The following STX17 variants were observed in gnomAD, a reference collection of about 807,000 sequenced individuals.
STX17 encodes syntaxin-17.
Under a neutral mutation model 35.9 loss-of-function variants are expected in STX17, and 29 were observed. The ratio of observed to expected loss-of-function variants is 0.81; its 90% CI spans 0.60 to 1.10. The LOEUF (loss-of-function observed/expected upper bound fraction) is 1.10. STX17 is among the 50% of genes least tolerant of loss of function. The probability of loss-of-function intolerance (pLI) is 0.00; values close to 1 mark genes in which losing one functional copy is unlikely to be tolerated. For missense variants in STX17, 312 were observed against 352.3 expected, an observed-to-expected ratio of 0.89 and a Z score of 0.92; for synonymous variants, 92 against 118.3, an observed-to-expected ratio of 0.78 and a Z score of 1.44.
Position 99,928,774 on chromosome 9 carries a change from A to G in STX17, c.124-4A>G, listed in dbSNP as rs911204451. On this transcript the variant is annotated splice_polypyrimidine_tract_variant and splice_region_variant and intron_variant, in intron 2 of 7. Coordinates refer to ENST00000259400, the MANE Select transcript of STX17 (RefSeq NM_017919.3). Reference sequence around the variant, plus strand: ...TTAATACCTCCCTTCTTTCTTTTATATAGTATCAAAGGTGCAGAATCTGGG... The same window carrying G: ...TTAATACCTCCCTTCTTTCTTTTATGTAGTATCAAAGGTGCAGAATCTGGG... 2 of 1,612,288 alleles carry G rather than the reference A, an allele frequency of 1.2e-6. No individual in the cohort carries two copies. Among genetic ancestry groups the G allele is most frequent in the Admixed American group, 1.7e-5 (1 of 59,942 alleles).
chr9:99,939,304 T>G lies in STX17; in HGVS notation c.189+10461T>G, dbSNP rs1378478769. Among the ~76,000 whole-genome samples the G allele has an allele frequency of 2.0e-5, 3 of 152,184 alleles. No individual in the cohort carries two copies. The East Asian group carries it at 5.8e-4, about 29-fold the overall frequency. ...TTCCAAAATGAATGCTATTAGGATA[T>G]AACTTGTTTTAGTTTATTGTGAGTT... On this transcript the variant is annotated intron_variant, in intron 3 of 7. Coordinates refer to ENST00000259400, the MANE Select transcript of STX17 (RefSeq NM_017919.3).
chr9:99,920,831 A>G (rs1161621371), intron 2 of STX17, among the ~76,000 whole-genome samples: 3 of 152,170 alleles, frequency 2.0e-5, no homozygotes, highest in Non-Finnish European at 4.4e-5. Flanking sequence ...GTGTATCCTA[A>G]TTTAGTTATA....
intron 4 of STX17, among the ~76,000 whole-genome samples, chr9:99,955,452 G>A (rs555292792): frequency 6.6e-6 from 1 of 152,146 alleles, no homozygotes; most frequent in South Asian, 2.1e-4. Flanking sequence ...ATAGGCTTAT[G>A]TAGATGATCA....
chr9:99,916,067 A>G (rs1388603066), intron 2 of STX17: 2 of 455,934 alleles, frequency 4.4e-6, no homozygotes, highest in Non-Finnish European at 8.8e-6. Flanking sequence ...ACATTAAAGA[A>G]GTAAATCATT....
At position 99,915,307 on chromosome 9, in the gene STX17, T is replaced by C. The variant is rs41305451; in HGVS notation, c.68T>C (p.Ile23Thr). The stretch of plus-strand genomic sequence containing the variant: ...CCAGCTATCCAGAAATTCATTAAGA[T>C]AGTAATCCCAACAGACCTGGAAAGG... Reference protein sequence around the residue: ...LEPAIQKFIKIVIPTDLERLR... With the variant: ...LEPAIQKFIKTVIPTDLERLR... The change falls in exon 2 of 8, where the codon ATA becomes ACA. Residue 23 changes from isoleucine to threonine, a missense_variant. By Grantham distance (89) the Ile-to-Thr change is moderately conservative (BLOSUM62 -1). Transcript: ENST00000259400. 134,008 of 1,612,404 alleles carry C rather than the reference T, an allele frequency of 0.083. 6,311 individuals carry two copies. The highest frequency in any genetic ancestry group is 0.094 in the Non-Finnish European group (111,056 of 1,179,198).
intron 6 of STX17, among the ~76,000 whole-genome samples, chr9:99,960,481 T>C (rs1829808441): frequency 6.6e-6 from 1 of 151,992 alleles, no homozygotes; most frequent in Non-Finnish European, 1.5e-5. Context: ...TCTCACTCTG[T>C]CGCCCAGGCT....
chr9:99,942,539 T>G (rs1829388109), intron 3 of STX17, among the ~76,000 whole-genome samples: 1 of 152,152 alleles, frequency 6.6e-6, no homozygotes, highest in Non-Finnish European at 1.5e-5. Context: ...CAGGCTGGAG[T>G]GCAGTGGCGC....
intron 6 of STX17, among the ~76,000 whole-genome samples, chr9:99,965,088 T>C (rs1024369028): frequency 2.4e-4 from 36 of 152,148 alleles, no homozygotes; most frequent in Non-Finnish European, 7.4e-5. Context: ...TAAATACTTA[T>C]AGATGTGGGC....
rs1013838625 is a variant in STX17 at position 99,971,487 on chromosome 9, A to T, written c.*2814A>T. 2.6e-5 allele frequency among the ~76,000 whole-genome samples: 4 copies of T among 152,026 alleles called. No individual in the cohort carries two copies. The highest frequency in any genetic ancestry group is 9.7e-5 in the African/African-American group (4 of 41,370). On this transcript the variant is annotated 3_prime_UTR_variant, in exon 8 of 8. Transcript: ENST00000259400. ...GTTGCAACCCACTAAATTGATATCT[A>T]CCAATGGGTTGCAACCCTTAGCTTG...
rs1206650978 is a variant in STX17 at position 99,973,275 on chromosome 9, A to T, written c.*4602A>T. Among the ~76,000 whole-genome samples the T allele has an allele frequency of 2.6e-5, 4 of 152,178 alleles. No homozygotes were observed. Among genetic ancestry groups the T allele is most frequent in the Non-Finnish European group, 5.9e-5 (4 of 68,024 alleles). ...ATAATTTGCTCTAGATCACAAAACTAGTTAGCACAAGGCTAGGATTATAAC... is the reference window on the plus strand; with the variant it reads ...ATAATTTGCTCTAGATCACAAAACTTGTTAGCACAAGGCTAGGATTATAAC... On this transcript the variant is annotated 3_prime_UTR_variant, in exon 8 of 8. Transcript: ENST00000259400.
rs1340194189 is a variant in STX17 at position 99,973,477 on chromosome 9, T to C, written c.*4804T>C. ...ATCAGAGTCCTAGTTTGGCTTTGTC[T>C]CTTGTAGCAGGATTTTTTAAATCAG... is the stretch of plus-strand genomic sequence containing the variant. On this transcript the variant is annotated 3_prime_UTR_variant, in exon 8 of 8. Coordinates refer to ENST00000259400, the MANE Select transcript of STX17 (RefSeq NM_017919.3). Among the ~76,000 whole-genome samples, 3 of 152,200 alleles carry C rather than the reference T, an allele frequency of 2.0e-5. No homozygotes were observed.
At chr9:99,925,152 T>A (rs1564060992) in intron 2 of STX17, among the ~76,000 whole-genome samples, 1 of 152,112 alleles carries the variant, frequency 6.6e-6, no homozygotes, top group Non-Finnish European at 1.5e-5. Flanking sequence ...TTTTATTTTT[T>A]ATTTTTTTAG....
intron 4 of STX17, 88 bp downstream of exon 4, chr9:99,951,373 A>C: frequency 2.6e-6 from 3 of 1,167,390 alleles, no homozygotes; most frequent in Non-Finnish European, 3.7e-6. Flanking sequence ...AATTATCTAT[A>C]GGTCTTCAGA....
intron 1 of STX17, among the ~76,000 whole-genome samples, chr9:99,911,686 G>A (rs1351305649): frequency 6.6e-6 from 1 of 152,018 alleles, no homozygotes; most frequent in East Asian, 1.9e-4. Flanking sequence ...AGGGCTCAAG[G>A]GATCTTCCCA....
chr9:99,955,886 T>C (rs1314840501), intron 4 of STX17, among the ~76,000 whole-genome samples: 3 of 152,172 alleles, frequency 2.0e-5, no homozygotes, highest in Non-Finnish European at 4.4e-5. Flanking sequence ...TCTAAAGTTC[T>C]TCAGCTTTCT....
At position 99,943,131 on chromosome 9, in the gene STX17, G is replaced by C; in HGVS notation, c.190-7929G>C. Among the ~76,000 whole-genome samples, 2 of 151,638 alleles carry C rather than the reference G, an allele frequency of 1.3e-5. 1 individual carries two copies. The highest frequency in any genetic ancestry group is 4.2e-4 in the South Asian group (2 of 4,770). On this transcript the variant is annotated intron_variant, in intron 3 of 7. Coordinates refer to ENST00000259400, the MANE Select transcript of STX17 (RefSeq NM_017919.3). ...TTCCTGTATTTGTTTTTGTTTGTTC[G>C]TTTGTTTGTTTGTTTGTTTTGAGAT...
intron 3 of STX17, 59 bp from the exon 4 acceptor site, chr9:99,951,001 G>A (rs1168810609): frequency 7.0e-7 from 1 of 1,426,034 alleles, no homozygotes; most frequent in African/African-American, 1.5e-5. Context: ...CATTACTTCT[G>A]AAAAGAAAGA....
chr9:99,928,211 A>G (rs764258179), intron 2 of STX17, among the ~76,000 whole-genome samples: 1 of 152,120 alleles, frequency 6.6e-6, no homozygotes, highest in Non-Finnish European at 1.5e-5. Flanking sequence ...AAAAATTCCC[A>G]TGATTCTGTT....
At position 99,939,243 on chromosome 9, in the gene STX17, C is replaced by G. The variant is rs1829302407; in HGVS notation, c.189+10400C>G. Among the ~76,000 whole-genome samples, 3 of 151,990 alleles carry G rather than the reference C, an allele frequency of 2.0e-5. No homozygotes were observed. The South Asian group carries it at 6.2e-4, about 32-fold the overall frequency. ...AAGAAACGATTAAGGAGAAGCAAAA[C>G]CAGATAGAGAATGGAAAAGAAGATA... On this transcript the variant is annotated intron_variant, in intron 3 of 7. Transcript: ENST00000259400.
Sources: allele counts gnomAD v4.1 joint callset (sites outside exome capture counted in the v4.1 genomes callset), GRCh38; gene constraint gnomAD v4.1.1; transcripts MANE v1.5; gene names NCBI Gene and HGNC (gene_info 2026-07-23, HGNC 2026-07-21).